Variants in USP34 observed in about 807,000 individuals in gnomAD.
USP34 encodes the protein ubiquitin carboxyl-terminal hydrolase 34.
In USP34, 70 loss-of-function variants were observed where a neutral mutation model predicts 460.3. The observed-to-expected ratio is 0.15, with a 90% confidence interval of 0.13 to 0.19. The LOEUF (loss-of-function observed/expected upper bound fraction) is 0.19, where lower values mean the gene tolerates loss of function less well. Ranked by LOEUF, USP34 falls within the 10% of genes least tolerant of loss-of-function variation. The pLI is 1.00. For synonymous variants in USP34, 1,647 were observed against 1,405.3 expected (o/e 1.17, Z -3.85); for missense variants, 3,985 against 4,236.2 (o/e 0.94, Z 1.65).
intron 1 of USP34, among the ~76,000 whole-genome samples, chr2:61,441,633 G>A (rs1694965291): frequency 6.6e-6 from 1 of 151,546 alleles, no homozygotes; most frequent in Non-Finnish European, 1.5e-5. Flanking sequence ...GCACAGAAAT[G>A]CGTAAGTGCC....
At chr2:61,444,088 A>C (rs574270235) in intron 1 of USP34, among the ~76,000 whole-genome samples, 1 of 152,270 alleles carries the variant, frequency 6.6e-6, no homozygotes, top group South Asian at 2.1e-4. Context: ...ATTGCTAAAA[A>C]TATAAATAAA....
intron 61 of USP34, among the ~76,000 whole-genome samples, chr2:61,228,205 T>TAG (rs1274562230): frequency 1.3e-5 from 2 of 152,232 alleles, no homozygotes; most frequent in African/African-American, 4.8e-5. Flanking sequence ...AGAGTGCAAG[T>TAG]AGATCATACA....
chr2:61,435,487 T>C (rs537858048), intron 1 of USP34, among the ~76,000 whole-genome samples: 1 of 151,752 alleles, frequency 6.6e-6, no homozygotes, highest in African/African-American at 2.4e-5. Flanking sequence ...TTATCAAGAT[T>C]ATACCCAGCA....
intron 68 of USP34, 135 bp from the exon 69 acceptor site, chr2:61,212,064 A>T: frequency 1.6e-6 from 2 of 1,213,638 alleles, no homozygotes; most frequent in Non-Finnish European, 2.2e-6. Flanking sequence ...TCAGAAAGTT[A>T]TAAAATCAGT....
intron 1 of USP34, among the ~76,000 whole-genome samples, chr2:61,434,769 G>A (rs576459177): frequency 9.5e-6 from 1 of 104,784 alleles, no homozygotes; most frequent in Non-Finnish European, 2.0e-5. Context: ...AAAATTGAAA[G>A]GGGGGGGGTT....
chr2:61,276,102 A>G (rs950007040), intron 41 of USP34, among the ~76,000 whole-genome samples: 2 of 152,228 alleles, frequency 1.3e-5, no homozygotes, highest in African/African-American at 4.8e-5. Context: ...TTCACCAATT[A>G]ACAAAGAAAT....
At chr2:61,358,309 G>GA (rs34036759) in intron 10 of USP34, among the ~76,000 whole-genome samples, 23 of 151,330 alleles carry the variant, frequency 1.5e-4, no homozygotes, top group Non-Finnish European at 2.4e-4. Flanking sequence ...AGACTATGGG[G>GA]AAAAAAAAGA....
At chr2:61,210,978 GA>G (rs1354436056) in intron 69 of USP34, among the ~76,000 whole-genome samples, 1 of 152,022 alleles carries the variant, frequency 6.6e-6, no homozygotes, top group Non-Finnish European at 1.5e-5. Flanking sequence ...TAAACTTTGG[GA>G]AAACAATTGT....
chr2:61,295,729 CTT>C (rs994941862), intron 30 of USP34, among the ~76,000 whole-genome samples: 1 of 152,188 alleles, frequency 6.6e-6, no homozygotes, highest in Non-Finnish European at 1.5e-5. Context: ...GTAATTCACA[CTT>C]AATGTGCATC....
intron 43 of USP34, among the ~76,000 whole-genome samples, chr2:61,262,160 G>A (rs1309213477): frequency 5.1e-4 from 64 of 124,748 alleles, no homozygotes; most frequent in South Asian, 3.5e-3. Flanking sequence ...GATAGATATA[G>A]AAATATATGT....
intron 10 of USP34, among the ~76,000 whole-genome samples, chr2:61,358,514 C>A (rs751064837): frequency 6.6e-6 from 1 of 152,004 alleles, no homozygotes; most frequent in Admixed American, 6.6e-5. Context: ...AACCCACAGG[C>A]AATATCATAC....
At chr2:61,278,550 C>G in intron 39 of USP34, 107 bp from the exon 40 acceptor site, 2 of 842,462 alleles carry the variant, frequency 2.4e-6, no homozygotes, top group Non-Finnish European at 3.6e-6. Context: ...TTAGTTCTCC[C>G]AAATTCAATA....
chr2:61,235,624 A>G (rs1460167814), intron 57 of USP34, among the ~76,000 whole-genome samples: 3 of 152,086 alleles, frequency 2.0e-5, no homozygotes, highest in Non-Finnish European at 4.4e-5. Flanking sequence ...ACACCTGGCC[A>G]AAACATGAAT....
At chr2:61,328,203 G>C (rs1021364904) in intron 20 of USP34, among the ~76,000 whole-genome samples, 2 of 151,588 alleles carry the variant, frequency 1.3e-5, no homozygotes, top group African/African-American at 2.4e-5. Flanking sequence ...TCGGGAGGCT[G>C]AGGCACGAGA....
intron 29 of USP34, among the ~76,000 whole-genome samples, chr2:61,297,607 T>C (rs1333158482): frequency 7.2e-5 from 11 of 152,216 alleles, no homozygotes; most frequent in South Asian, 6.2e-4. Context: ...CCACGGAGTA[T>C]AAATTTATTA....
chr2:61,457,830 AGAGT>A (rs968020616), intron 1 of USP34, among the ~76,000 whole-genome samples: 1 of 152,184 alleles, frequency 6.6e-6, no homozygotes, highest in Admixed American at 6.6e-5. Flanking sequence ...CCTGAGTGAC[AGAGT>A]GAGACCCTGT....
chr2:61,218,853 A>T (rs997169578), intron 67 of USP34, among the ~76,000 whole-genome samples: 3 of 152,154 alleles, frequency 2.0e-5, no homozygotes, highest in African/African-American at 7.2e-5. Context: ...CACACTATCA[A>T]CCTCATTGAT....
chr2:61,395,866 G>C (rs898463471), intron 3 of USP34, among the ~76,000 whole-genome samples: 6 of 148,612 alleles, frequency 4.0e-5, no homozygotes, highest in African/African-American at 1.2e-4. Flanking sequence ...AGGAGATCAA[G>C]ATCAGCCTGA....
At chr2:61,364,547 G>A (rs1212154735) in intron 10 of USP34, among the ~76,000 whole-genome samples, 1 of 152,046 alleles carries the variant, frequency 6.6e-6, no homozygotes, top group East Asian at 1.9e-4. Flanking sequence ...ACATATAAAT[G>A]GTGAAAATGG....
Sources: allele counts gnomAD v4.1 joint callset (sites outside exome capture counted in the v4.1 genomes callset), GRCh38; gene constraint gnomAD v4.1.1; transcripts MANE v1.5; gene names NCBI Gene and HGNC (gene_info 2026-07-23, HGNC 2026-07-21).